Variants in SUPT3H observed in about 807,000 individuals in gnomAD.
SUPT3H encodes the protein SPT3 homolog, SAGA and STAGA complex component, also known as transcription initiation protein SPT3 homolog.
A neutral mutation model predicts 44.3 loss-of-function variants in SUPT3H; 44 were observed. The ratio of observed to expected loss-of-function variants is 0.99; its 90% confidence interval spans 0.78 to 1.28. The LOEUF (loss-of-function observed/expected upper bound fraction) is 1.28, where lower values mean the gene tolerates loss of function less well. Ranked by LOEUF, SUPT3H falls within the 50% of genes most tolerant of loss-of-function variation. The pLI is 0.00. For synonymous variants in SUPT3H, 124 were observed against 125.6 expected, an observed-to-expected ratio of 0.99 and a Z score of 0.09; for missense variants, 380 against 387.1, an observed-to-expected ratio of 0.98 and a Z score of 0.15.
chr6:45,073,462 T>C (rs769122462), intron 3 of SUPT3H, among the ~76,000 whole-genome samples: 3 of 151,824 alleles, frequency 2.0e-5, no homozygotes, highest in Non-Finnish European at 4.4e-5. Context: ...AATTCAAAAC[T>C]CAAATCCAAA....
chr6:45,048,393 T>G (rs1789767306), intron 3 of SUPT3H, among the ~76,000 whole-genome samples: 1 of 152,120 alleles, frequency 6.6e-6, no homozygotes, highest in South Asian at 2.1e-4. Flanking sequence ...TTTTACAGTT[T>G]CAGATCTCAC....
chr6:44,998,968 AACAG>A (rs1365347120), intron 6 of SUPT3H, among the ~76,000 whole-genome samples: 2 of 152,144 alleles, frequency 1.3e-5, no homozygotes, highest in East Asian at 3.9e-4. Flanking sequence ...TTACTATCTA[AACAG>A]TCTGTGACAG....
At chr6:44,904,922 C>T (rs1000921955) in intron 10 of SUPT3H, among the ~76,000 whole-genome samples, 6 of 152,074 alleles carry the variant, frequency 3.9e-5, no homozygotes, top group African/African-American at 1.2e-4. Context: ...AATGGGAAAA[C>T]GATTCCCTGT....
At chr6:44,869,772 C>T (rs1391589619) in intron 10 of SUPT3H, among the ~76,000 whole-genome samples, 1 of 152,162 alleles carries the variant, frequency 6.6e-6, no homozygotes, top group African/African-American at 2.4e-5. Flanking sequence ...CTAGGAAGTA[C>T]CTTCTGACTG....
intron 3 of SUPT3H, among the ~76,000 whole-genome samples, chr6:45,087,351 A>G (rs2153561134): frequency 6.6e-6 from 1 of 152,002 alleles, no homozygotes; most frequent in Non-Finnish European, 1.5e-5. Context: ...GGGTCAATTC[A>G]CAAGGAAAGG....
intron 3 of SUPT3H, among the ~76,000 whole-genome samples, chr6:45,075,142 A>T (rs1794846780): frequency 6.6e-6 from 1 of 152,132 alleles, no homozygotes; most frequent in Admixed American, 6.5e-5. Flanking sequence ...TATCTTTTAA[A>T]ACAGGAATAT....
chr6:44,937,007 A>G (rs927345968), intron 9 of SUPT3H, among the ~76,000 whole-genome samples: 1 of 152,140 alleles, frequency 6.6e-6, no homozygotes, highest in African/African-American at 2.4e-5. Flanking sequence ...TTGTGTATAC[A>G]TGCCACATTT....
At chr6:44,929,774 T>C (rs985859941) in intron 10 of SUPT3H, among the ~76,000 whole-genome samples, 3 of 151,750 alleles carry the variant, frequency 2.0e-5, no homozygotes, top group Non-Finnish European at 4.4e-5. Context: ...GCTCCCTTTT[T>C]TTTTTTTTTT....
chr6:45,159,456 G>A (rs1421711807), intron 2 of SUPT3H: 2 of 152,118 alleles, frequency 1.3e-5, no homozygotes, highest in African/African-American at 2.4e-5. Context: ...AAGGGTTTAC[G>A]GAGAGACAGG....
intron 3 of SUPT3H, among the ~76,000 whole-genome samples, chr6:45,063,151 C>CAG (rs1792482254): frequency 6.9e-6 from 1 of 144,318 alleles, no homozygotes; most frequent in South Asian, 2.4e-4. Context: ...GGGTCCCTGA[C>CAG]CCCTGACCCC....
At chr6:44,836,795 G>T (rs1039234707) in intron 10 of SUPT3H, among the ~76,000 whole-genome samples, 3 of 152,044 alleles carry the variant, frequency 2.0e-5, no homozygotes, top group Non-Finnish European at 4.4e-5. Context: ...GGAAAAAAAG[G>T]TTTTTTGTAA....
At chr6:44,889,478 C>G (rs996903060) in intron 10 of SUPT3H, among the ~76,000 whole-genome samples, 2 of 152,196 alleles carry the variant, frequency 1.3e-5, no homozygotes, top group Non-Finnish European at 2.9e-5. Flanking sequence ...ACTATCTGAT[C>G]TTTGACAAAC....
chr6:45,174,645 G>C (rs375683987), intron 2 of SUPT3H, among the ~76,000 whole-genome samples: 1 of 152,058 alleles, frequency 6.6e-6, no homozygotes, highest in East Asian at 1.9e-4. Context: ...TACTCTAAAA[G>C]AGGAACACAC....
intron 10 of SUPT3H, among the ~76,000 whole-genome samples, chr6:44,853,104 A>G (rs1295413634): frequency 1.3e-5 from 2 of 152,192 alleles, no homozygotes; most frequent in Non-Finnish European, 2.9e-5. Context: ...AGTCTAACAT[A>G]CTGTGTTTAC....
chr6:45,183,833 T>C (rs1267413491), intron 2 of SUPT3H, among the ~76,000 whole-genome samples: 1 of 152,194 alleles, frequency 6.6e-6, no homozygotes, highest in Non-Finnish European at 1.5e-5. Context: ...CTGAAAAGGA[T>C]ACCTACTGTA....
At chr6:45,015,406 C>A (rs1190513404) in intron 4 of SUPT3H, among the ~76,000 whole-genome samples, 3 of 152,022 alleles carry the variant, frequency 2.0e-5, no homozygotes, top group African/African-American at 7.2e-5. Context: ...AGGGCATATA[C>A]CATGAATGAA....
chr6:44,911,905 C>T (rs1373237979), intron 10 of SUPT3H, among the ~76,000 whole-genome samples: 1 of 152,180 alleles, frequency 6.6e-6, no homozygotes, highest in African/African-American at 2.4e-5. Flanking sequence ...ATGCCAGAAA[C>T]TATTGCATTC....
intron 2 of SUPT3H, among the ~76,000 whole-genome samples, chr6:45,228,675 G>A (rs541651639): frequency 1.3e-5 from 2 of 152,002 alleles, no homozygotes; most frequent in East Asian, 3.9e-4. Flanking sequence ...TTGAGATGGA[G>A]TCTCACTTTG....
At position 45,253,848 on chromosome 6, in the gene SUPT3H, C is replaced by CATATATATATATATATATATATATATAT. The variant is rs34256293; in HGVS notation, c.101+111352_101+111353insATATATATATATATATATATATATATAT. Among the ~76,000 whole-genome samples the CATATATATATATATATATATATATATAT allele has an allele frequency of 9.4e-3, 828 of 88,188 alleles. 22 individuals are homozygous for CATATATATATATATATATATATATATAT. Among genetic ancestry groups the CATATATATATATATATATATATATATAT allele is most frequent in the Non-Finnish European group, 0.013 (584 of 44,746 alleles). The allele number at this position is 88,188 out of a possible 152,430, so 57.9% of individuals were successfully genotyped here. On this transcript the variant is annotated intron_variant, in intron 2 of 10. Transcript: ENST00000371459. ...AAAAATACACACGTACACATATACG[C>CATATATATATATATATATATATATATAT]ATATATATATATATATATATATATA...
Sources: allele counts gnomAD v4.1 joint callset (sites outside exome capture counted in the v4.1 genomes callset), GRCh38; gene constraint gnomAD v4.1.1; transcripts MANE v1.5; gene names NCBI Gene and HGNC (gene_info 2026-07-23, HGNC 2026-07-21).